Variants in SEPTIN9 observed in about 807,000 individuals in gnomAD.
SEPTIN9 encodes septin-9.
In SEPTIN9, 13 loss-of-function variants were observed where a neutral mutation model predicts 56.6. The observed-to-expected ratio is 0.23, with a 90% CI of 0.15 to 0.37. The LOEUF is 0.37. SEPTIN9 is among the 10% of genes least tolerant of loss of function. The probability of loss-of-function intolerance (pLI) is 1.00; values close to 1 mark genes in which losing one functional copy is unlikely to be tolerated. For missense variants in SEPTIN9, 650 were observed against 823.1 expected, an observed-to-expected ratio of 0.79 and a Z score of 2.57; for synonymous variants, 332 against 334.1, an observed-to-expected ratio of 0.99 and a Z score of 0.07.
intron 3 of SEPTIN9, among the ~76,000 whole-genome samples, chr17:77,420,224 T>C (rs923438900): frequency 6.6e-6 from 1 of 152,200 alleles, no homozygotes; most frequent in African/African-American, 2.4e-5. Flanking sequence ...GGCTGCTCTG[T>C]CTGGGGACCT....
intron 2 of SEPTIN9, among the ~76,000 whole-genome samples, chr17:77,381,720 C>T (rs1484981011): frequency 6.6e-6 from 1 of 152,214 alleles, no homozygotes; most frequent in Non-Finnish European, 1.5e-5. Flanking sequence ...GTGCAGACTG[C>T]ACGGTGAGAG....
At chr17:77,373,679 C>G in intron 2 of SEPTIN9, 2 of 1,407,048 alleles carry the variant, frequency 1.4e-6, no homozygotes, top group African/African-American at 3.0e-5. Flanking sequence ...GACCCCTAAT[C>G]CAGGCGCCCT....
rs1397300970 is a variant in SEPTIN9 at position 77,425,205 on chromosome 17, C to T, written c.721+22502C>T. On this transcript the variant is annotated intron_variant, in intron 3 of 11. Transcript: ENST00000427177. The surrounding 1 kb of genome is among the most constrained non-coding windows in gnomAD (Gnocchi z 4.2). ...GAAGATGGGCCCAGCTGTGGGAGGT[C>T]GTGCGGGCTGGGGACTGAGAGTGCC... is the stretch of plus-strand genomic sequence containing the variant. Among the ~76,000 whole-genome samples, 1 of 152,116 alleles carries T rather than the reference C, an allele frequency of 6.6e-6. No homozygotes were observed. Among genetic ancestry groups the T allele is most frequent in the African/African-American group, 2.4e-5 (1 of 41,396 alleles).
rs1387699603 is a variant in SEPTIN9, at chr17:77,390,456, T to C, written c.77-11603T>C. Among the ~76,000 whole-genome samples, 628 of 142,278 alleles carry C rather than the reference T, an allele frequency of 4.4e-3. 11 individuals carry two copies. Among genetic ancestry groups the C allele is most frequent in the African/African-American group, 0.016 (606 of 38,586 alleles). The allele number at this position is 142,278 out of a possible 152,430, so 93.3% of individuals were successfully genotyped here. ...AAAAAAAAACTGCACATTTCGCTTT[T>C]TTTTTTTTTTTTTGAGACGGAGTCT... On this transcript the variant is annotated intron_variant, in intron 2 of 11. Transcript: ENST00000427177.
In SEPTIN9 at chr17:77,451,643, T is replaced by C; in HGVS notation, c.722-30501T>C. On this transcript the variant is annotated intron_variant, in intron 3 of 11. Coordinates refer to ENST00000427177, the MANE Select transcript of SEPTIN9 (RefSeq NM_001113491.2). This position sits in a 1 kb window ranked among gnomAD's most constrained non-coding sequence, Gnocchi z 4.2. ...ATGGTGGCGGTGCCGGGAGCCACGC[T>C]GTCCCTGGGCCCCGGCCCGAGGCCG... is the stretch of plus-strand genomic sequence containing the variant. The C allele has an allele frequency of 1.2e-6, 1 of 812,096 alleles. No individual in the cohort carries two copies. Among genetic ancestry groups the C allele is most frequent in the Non-Finnish European group, 1.5e-6 (1 of 671,492 alleles). 50.3% of individuals were successfully genotyped at this position (812,096 alleles called of 1,614,324 possible). A position where few individuals can be genotyped will look rare whatever the true frequency, so the allele number is the denominator to read the frequency against.
At chr17:77,463,265 G>A (rs1292725693) in intron 3 of SEPTIN9, among the ~76,000 whole-genome samples, 3 of 152,038 alleles carry the variant, frequency 2.0e-5, no homozygotes, top group South Asian at 2.1e-4. Context: ...TGGAGTGTGC[G>A]TTCCAAGCCC....
intron 3 of SEPTIN9, among the ~76,000 whole-genome samples, chr17:77,455,755 C>CT (rs2038172121): frequency 6.6e-6 from 1 of 152,232 alleles, no homozygotes; most frequent in Non-Finnish European, 1.5e-5. Context: ...GTCATAGGTG[C>CT]TTGCTCAACG....
chr17:77,423,442 C>G (rs1337813491), intron 3 of SEPTIN9, among the ~76,000 whole-genome samples: 1 of 152,228 alleles, frequency 6.6e-6, no homozygotes, highest in Non-Finnish European at 1.5e-5. Context: ...CTCACCCCCA[C>G]CCAGATGGCG....
At chr17:77,465,297 C>T (rs1846935923) in intron 3 of SEPTIN9, among the ~76,000 whole-genome samples, 1 of 152,202 alleles carries the variant, frequency 6.6e-6, no homozygotes, top group South Asian at 2.1e-4. Context: ...AAGAATTCTG[C>T]AGTGAGTGCT....
At chr17:77,324,126 G>T (rs906495717) in intron 2 of SEPTIN9, among the ~76,000 whole-genome samples, 5 of 152,134 alleles carry the variant, frequency 3.3e-5, no homozygotes, top group Non-Finnish European at 5.9e-5. Flanking sequence ...GTTGTCACGG[G>T]GCCTCCTTCT....
intron 3 of SEPTIN9, among the ~76,000 whole-genome samples, chr17:77,408,278 C>T (rs1477657924): frequency 6.6e-6 from 1 of 152,202 alleles, no homozygotes; most frequent in Non-Finnish European, 1.5e-5. Context: ...ATCCACCCAC[C>T]CCAAGAACCA....
chr17:77,461,305 C>G (rs1416544637), intron 3 of SEPTIN9, among the ~76,000 whole-genome samples: 1 of 151,702 alleles, frequency 6.6e-6, no homozygotes, highest in East Asian at 1.9e-4. Flanking sequence ...GACTCTGTCT[C>G]AAAAAAATAA....
At chr17:77,289,633 C>T (rs2031447462) in intron 1 of SEPTIN9, among the ~76,000 whole-genome samples, 1 of 152,044 alleles carries the variant, frequency 6.6e-6, no homozygotes, top group Non-Finnish European at 1.5e-5. Context: ...GTCTCGAACT[C>T]CCGACCTCAG....
Position 77,429,307 on chromosome 17 carries a change from C to T in SEPTIN9, c.721+26604C>T, listed in dbSNP as rs374306723. 2.1e-6 allele frequency: 1 copy of T among 470,262 alleles called. No individual in the cohort carries two copies. The highest frequency in any genetic ancestry group is 4.4e-6 in the Non-Finnish European group (1 of 226,354). 29.1% of individuals were successfully genotyped at this position (470,262 alleles called of 1,614,324 possible). On this transcript the variant is annotated intron_variant, in intron 3 of 11. Coordinates refer to ENST00000427177, the MANE Select transcript of SEPTIN9 (RefSeq NM_001113491.2). The surrounding 1 kb of genome is among the most constrained non-coding windows in gnomAD (Gnocchi z 5.2). The stretch of plus-strand genomic sequence containing the variant: ...CCGATGCCGTCAGCACGCAGGCCTC[C>T]TGCCCTCGCCACGACTGGCTCCTGC...
chr17:77,356,529 A>G (rs1344913551), intron 2 of SEPTIN9, among the ~76,000 whole-genome samples: 1 of 150,822 alleles, frequency 6.6e-6, no homozygotes, highest in African/African-American at 2.4e-5. Flanking sequence ...ATTCGTGGGA[A>G]CCAAGCGAGG....
At chr17:77,465,144 T>C (rs1028733774) in intron 3 of SEPTIN9, among the ~76,000 whole-genome samples, 1 of 152,256 alleles carries the variant, frequency 6.6e-6, no homozygotes, top group Non-Finnish European at 1.5e-5. Flanking sequence ...TTTTCAAGGC[T>C]CATCCACATT....
chr17:77,462,474 G>A (rs1163574751), intron 3 of SEPTIN9, among the ~76,000 whole-genome samples: 1 of 152,186 alleles, frequency 6.6e-6, no homozygotes, highest in African/African-American at 2.4e-5. Context: ...TGTAGAGACA[G>A]GGTCCCACTA....
intron 2 of SEPTIN9, among the ~76,000 whole-genome samples, chr17:77,401,098 A>G (rs1315713323): frequency 2.0e-5 from 3 of 152,042 alleles, no homozygotes; most frequent in Non-Finnish European, 2.9e-5. Flanking sequence ...AGTGGTTAGA[A>G]CCTTGGGCTC....
At chr17:77,441,864 T>G (rs1354947975) in intron 3 of SEPTIN9, among the ~76,000 whole-genome samples, 1 of 152,146 alleles carries the variant, frequency 6.6e-6, no homozygotes, top group Non-Finnish European at 1.5e-5. Flanking sequence ...TTTCATAGAC[T>G]TTGAGAAACG....
Sources: gnomAD v4.1 joint callset for allele counts (sites outside exome capture counted in the v4.1 genomes callset) on GRCh38, gnomAD v4.1.1 for gene constraint, Gnocchi (gnomAD v3.1) non-coding constraint, MANE v1.5 for transcripts, NCBI Gene and HGNC (gene_info 2026-07-23, HGNC 2026-07-21) for gene names.